Variants in LAMA3 observed in about 807,000 individuals in gnomAD.
LAMA3 encodes laminin subunit alpha 3.
LAMA3 carries 281 observed loss-of-function variants against 402.0 expected under a neutral mutation model. That is an observed-to-expected ratio of 0.70 (90% CI 0.63 to 0.77). LAMA3 has a LOEUF of 0.77. Ranked by LOEUF, LAMA3 falls within the 30% of genes least tolerant of loss-of-function variation. The pLI is 0.00. For missense variants in LAMA3, 3,840 were observed against 4,215.5 expected (o/e 0.91, Z 2.47); for synonymous variants, 1,431 against 1,558.4 (o/e 0.92, Z 1.93).
At chr18:23,899,186 A>G (rs1177706080) in intron 46 of LAMA3, 102 bp from the exon 47 acceptor site, 2 of 1,299,116 alleles carry the variant, frequency 1.5e-6, no homozygotes, top group Non-Finnish European at 2.2e-6. Flanking sequence ...ATACTAAAAA[A>G]CTAATATAAA....
Position 23,747,946 on chromosome 18 carries a change from T to G in LAMA3, c.451T>G (p.Phe151Val), listed in dbSNP as rs901532494. Residue 151 changes from phenylalanine to valine, a missense_variant, in exon 3 of 75, where the codon TTC (phenylalanine) becomes GTC (valine). Around this residue, in one of 3 missense-constraint regions of LAMA3, gnomAD observed 2,109 missense variants for 2,376.0 expected, o/e 0.89. Transcript: ENST00000313654. ...TGTATCTCTTTTGTTTTATCAGCTC[T>G]TCCATGTGGCCTATATTTTAATCAA... Reference protein sequence around the residue: ...VNLTLDLGQLFHVAYILIKFA... With the variant: ...VNLTLDLGQLVHVAYILIKFA... 4 of 1,549,386 alleles carry G rather than the reference T, an allele frequency of 2.6e-6. No individual in the cohort carries two copies. The African/African-American group carries it at 5.4e-5, about 21-fold the overall frequency.
intron 40 of LAMA3, 29 bp from the exon 41 acceptor site, chr18:23,884,744 G>A: frequency 6.3e-7 from 1 of 1,585,644 alleles, no homozygotes; most frequent in East Asian, 2.2e-5. Context: ...CTGTGTTTTT[G>A]ATGGGGCCTT....
intron 2 of LAMA3, among the ~76,000 whole-genome samples, chr18:23,728,596 C>G (rs2061337640): frequency 6.6e-6 from 1 of 152,160 alleles, no homozygotes; most frequent in African/African-American, 2.4e-5. Flanking sequence ...GCTGTAGGTG[C>G]TTTATTAAGC....
In LAMA3 at chr18:23,871,499, ACTGGCAGATGTGCG is replaced by A; in HGVS notation, c.4838_4851del (p.Leu1613HisfsTer24). On this transcript the variant is annotated frameshift_variant, in exon 38 of 75. Coordinates refer to ENST00000313654, the MANE Select transcript of LAMA3 (RefSeq NM_198129.4). LOFTEE classifies it high-confidence loss of function. Reference sequence around the variant, plus strand: ...AGGAGCTGATGACAGTGCTGTCTAGACTGGCAGATGTGCGCATCCAAGGCCTCTACTTCACAGAG... The same window carrying A: ...AGGAGCTGATGACAGTGCTGTCTAGACATCCAAGGCCTCTACTTCACAGAG... The A allele has an allele frequency of 6.2e-7, 1 of 1,614,170 alleles. No individual in the cohort carries two copies. Among genetic ancestry groups the A allele is most frequent in the East Asian group, 2.2e-5 (1 of 44,882 alleles).
At position 23,903,006 on chromosome 18, in the gene LAMA3, C is replaced by T. The variant is rs2081125121; in HGVS notation, c.6202-3C>T. ...TCAAGCAATTTTTTTTTATTTTCTCCAGAGACAAGTGAAAGAAATAAATTC... is the reference window on the plus strand; with the variant it reads ...TCAAGCAATTTTTTTTTATTTTCTCTAGAGACAAGTGAAAGAAATAAATTC... On this transcript the variant is annotated splice_region_variant and splice_polypyrimidine_tract_variant and intron_variant, in intron 48 of 74. Coordinates refer to ENST00000313654, the MANE Select transcript of LAMA3 (RefSeq NM_198129.4). 1 of 1,574,278 alleles carries T rather than the reference C, an allele frequency of 6.4e-7. No homozygotes were observed. The highest frequency in any genetic ancestry group is 1.1e-5 in the South Asian group (1 of 90,338).
chr18:23,928,807 A>C, intron 64 of LAMA3, 42 bp downstream of exon 64: 1 of 1,581,498 alleles, frequency 6.3e-7, no homozygotes, highest in Non-Finnish European at 8.7e-7. Flanking sequence ...TTTAAACCTG[A>C]CTCAAAGTTT....
At chr18:23,947,445 C>T (rs1451418414) in intron 70 of LAMA3, among the ~76,000 whole-genome samples, 1 of 152,106 alleles carries the variant, frequency 6.6e-6, no homozygotes, top group Non-Finnish European at 1.5e-5. Flanking sequence ...AAAAAAAGAG[C>T]CCCGGGCTCA....
chr18:23,864,010 T>G (rs529157105), intron 35 of LAMA3, among the ~76,000 whole-genome samples: 1 of 152,330 alleles, frequency 6.6e-6, no homozygotes, highest in South Asian at 2.1e-4. Context: ...GTTCACCATC[T>G]GCTTTCAGGA....
chr18:23,868,754 T>G (rs1340429381), intron 37 of LAMA3, among the ~76,000 whole-genome samples: 1 of 152,226 alleles, frequency 6.6e-6, no homozygotes, highest in African/African-American at 2.4e-5. Context: ...GCTATGAAAA[T>G]GTTTTACATC....
intron 2 of LAMA3, among the ~76,000 whole-genome samples, chr18:23,742,614 T>C (rs2061581864): frequency 6.6e-6 from 1 of 151,886 alleles, no homozygotes; most frequent in African/African-American, 2.4e-5. Flanking sequence ...GAGGAAAGTA[T>C]TATGATGTCT....
chr18:23,928,259 C>G lies in LAMA3; in HGVS notation c.8295+19C>G, dbSNP rs970476235. ...CTGGAAGGTAAGTGAAAGTTCAGAA[C>G]CTCGTGAAGGAGTGCTTCCCAGCCA... On this transcript the variant is annotated intron_variant, in intron 63 of 74. Coordinates refer to ENST00000313654, the MANE Select transcript of LAMA3 (RefSeq NM_198129.4). 3 of 1,497,838 alleles carry G rather than the reference C, an allele frequency of 2.0e-6. No homozygotes were observed. Among genetic ancestry groups the G allele is most frequent in the African/African-American group, 2.8e-5 (2 of 72,602 alleles). The allele number at this position is 1,497,838 out of a possible 1,614,324, so 92.8% of individuals were successfully genotyped here. A position where few individuals can be genotyped will look rare whatever the true frequency, so the allele number is the denominator to read the frequency against.
chr18:23,846,685 C>T (rs997853596), intron 31 of LAMA3, among the ~76,000 whole-genome samples, 177 bp downstream of exon 31: 5 of 152,186 alleles, frequency 3.3e-5, no homozygotes, highest in Admixed American at 3.3e-4. Flanking sequence ...CCAATAAGCA[C>T]CCAGGTGATG....
chr18:23,750,207 A>G (rs1263887307), intron 4 of LAMA3, among the ~76,000 whole-genome samples: 1 of 152,224 alleles, frequency 6.6e-6, no homozygotes, highest in African/African-American at 2.4e-5. Context: ...AGGTGAAACA[A>G]TCAGAGAAGA....
chr18:23,873,227 T>C (rs963055737), intron 38 of LAMA3: 1 of 1,613,260 alleles, frequency 6.2e-7, no homozygotes, highest in South Asian at 1.1e-5. Context: ...TAACGTCCTT[T>C]TAAGTTTTGG....
rs1173973710 is a variant in LAMA3 at position 23,773,532 on chromosome 18, T to TAA, written c.1219_1220dup (p.Gly408ArgfsTer62). ...CTGGAGTAAACTGTGAACAGTGTGC[T>TAA]AAGGGCTATTACCGCCCTTATGGGG... On this transcript the variant is annotated frameshift_variant, in exon 9 of 75. Coordinates refer to ENST00000313654, the MANE Select transcript of LAMA3 (RefSeq NM_198129.4). LOFTEE classifies it high-confidence loss of function. The TAA allele has an allele frequency of 6.2e-7, 1 of 1,600,250 alleles. No homozygotes were observed. The highest frequency in any genetic ancestry group is 8.5e-7 in the Non-Finnish European group (1 of 1,171,662).
chr18:23,894,817 A>G, intron 43 of LAMA3, 90 bp from the exon 44 acceptor site: 3 of 1,537,246 alleles, frequency 2.0e-6, no homozygotes, highest in Non-Finnish European at 1.8e-6. Flanking sequence ...ATCTGCGTGC[A>G]TGCCAACTGG....
At chr18:23,856,921 CCTG>C (rs893589403) in intron 32 of LAMA3, among the ~76,000 whole-genome samples, 1 of 152,020 alleles carries the variant, frequency 6.6e-6, no homozygotes, top group South Asian at 2.1e-4. Flanking sequence ...GACTTGACAT[CCTG>C]CTGCTGCTGC....
In LAMA3 at chr18:23,784,110, G is replaced by T; in HGVS notation, c.1556G>T (p.Arg519Leu). The change falls in exon 12 of 75, where the codon CGA (arginine) becomes CTA (leucine). Residue 519 changes from arginine to leucine, a missense_variant. Physicochemically the swap from Arg to Leu is moderately radical, Grantham distance 102. This residue lies in a region of LAMA3 where 2,109 missense variants were observed against 2,376.0 expected (regional missense o/e 0.89). Transcript: ENST00000313654. ...CLCRPGVEGP[R>L]CDTCRSGFYS... ...TGCCGCCCTGGGGTTGAGGGCCCTC[G>T]ATGTGATACCTGCCGCTCTGGTTTC... 1 of 1,614,130 alleles carries T rather than the reference G, an allele frequency of 6.2e-7. No homozygotes were observed. Among genetic ancestry groups the T allele is most frequent in the Non-Finnish European group, 8.5e-7 (1 of 1,180,022 alleles).
At chr18:23,761,611 G>A (rs1484924813) in intron 7 of LAMA3, among the ~76,000 whole-genome samples, 1 of 152,142 alleles carries the variant, frequency 6.6e-6, no homozygotes, top group East Asian at 1.9e-4. Context: ...TTCACAGTGT[G>A]TTAAGAGCTC....
Sources: gnomAD v4.1 joint callset for allele counts (sites outside exome capture counted in the v4.1 genomes callset) on GRCh38, gnomAD v4.1.1 for gene constraint, gnomAD v4.1.1 regional missense constraint, MANE v1.5 for transcripts, NCBI Gene and HGNC (gene_info 2026-07-23, HGNC 2026-07-21) for gene names.